ZNF560: variants seen among roughly 807,000 people sequenced by gnomAD.
The protein encoded by ZNF560 is zinc finger protein 560.
In ZNF560, 54 loss-of-function variants were observed where a neutral mutation model predicts 81.8. The observed-to-expected ratio is 0.66, with a 90% CI of 0.53 to 0.83. The LOEUF (loss-of-function observed/expected upper bound fraction) is 0.83, where lower values mean the gene tolerates loss of function less well. ZNF560 is among the 40% of genes least tolerant of loss of function. The probability of loss-of-function intolerance (pLI) is 0.00; values close to 1 mark genes in which losing one functional copy is unlikely to be tolerated. For synonymous variants in ZNF560, 321 were observed against 317.9 expected, an observed-to-expected ratio of 1.01 and a Z score of -0.10; for missense variants, 940 against 932.4, an observed-to-expected ratio of 1.01 and a Z score of -0.11.
chr19:9,465,600 T>C (rs552458666), downstream of ZNF560, among the ~76,000 whole-genome samples: 2 of 152,318 alleles, frequency 1.3e-5, no homozygotes, highest in South Asian at 2.1e-4. Flanking sequence ...AATGAGCACT[T>C]TGACACAGTG....
At chr19:9,501,839 A>G (rs573598638), upstream of ZNF560, among the ~76,000 whole-genome samples, 20 of 152,094 alleles carry the variant, frequency 1.3e-4, no homozygotes, top group African/African-American at 4.6e-4. Context: ...AATGTAATGA[A>G]TGGCCTCATG....
chr19:9,506,411 G>GTTT, the ZNF560 span, among the ~76,000 whole-genome samples: 1 of 90,658 alleles, frequency 1.1e-5, no homozygotes, highest in Non-Finnish European at 2.3e-5. Context: ...GCACGCTTCT[G>GTTT]TTGTTTTTTT....
In ZNF560 at chr19:9,469,146, G is replaced by T; in HGVS notation, c.571C>A (p.Gln191Lys). The T allele has an allele frequency of 6.3e-7, 1 of 1,598,666 alleles. No homozygotes were observed. Among genetic ancestry groups the T allele is most frequent in the African/African-American group, 1.3e-5 (1 of 74,162 alleles). Residue 191 changes from glutamine to lysine, a missense_variant, in exon 9 of 10, where the codon CAA (glutamine) becomes AAA (lysine). Coordinates refer to ENST00000301480, the MANE Select transcript of ZNF560 (RefSeq NM_152476.3). ...AATGTTTTTAAACAAAAATTATCTT[G>T]CCAAAGGGCTGGCCCTTTGGTTTTC... ...CLKTKGPALW[Q>K]DNFCLKTLNG... is the part of the protein sequence containing the mutation.
chr19:9,498,371 C>A (rs1306284153), intron 1 of ZNF560, among the ~76,000 whole-genome samples, 156 bp from the exon 2 acceptor site: 1 of 152,126 alleles, frequency 6.6e-6, no homozygotes, highest in South Asian at 2.1e-4. Flanking sequence ...ACCGAAGGTC[C>A]CAATGGCCTC....
the ZNF560 span, among the ~76,000 whole-genome samples, chr19:9,450,703 T>C: frequency 3.3e-5 from 5 of 152,286 alleles, no homozygotes; most frequent in African/African-American, 1.2e-4. Flanking sequence ...ATAATTTTTA[T>C]ATTTTTAGTA....
At chr19:9,482,373 T>C (rs1305772456) in intron 2 of ZNF560, among the ~76,000 whole-genome samples, 3 of 147,516 alleles carry the variant, frequency 2.0e-5, no homozygotes, top group Non-Finnish European at 4.4e-5. Flanking sequence ...TGTATATATA[T>C]GTAACAAACC....
At chr19:9,450,735 G>T in the ZNF560 span, among the ~76,000 whole-genome samples, 1,869 of 151,996 alleles carry the variant, frequency 0.012, 39 homozygotes, top group African/African-American at 0.043. Flanking sequence ...TCACCATGTT[G>T]CCCAGGCTGG....
chr19:9,484,201 C>G (rs1417140369), intron 2 of ZNF560, among the ~76,000 whole-genome samples: 3 of 151,902 alleles, frequency 2.0e-5, no homozygotes, highest in Admixed American at 2.0e-4. Flanking sequence ...GACCTTTGTT[C>G]ACTTGCTTAT....
the ZNF560 span, among the ~76,000 whole-genome samples, chr19:9,450,512 A>T: frequency 6.6e-6 from 1 of 152,174 alleles, no homozygotes; most frequent in Non-Finnish European, 1.5e-5. Context: ...AACTCAATTC[A>T]GTTCTGGATA....
rs780100492 is a variant in ZNF560, at chr19:9,467,772, A to T, written c.1175T>A (p.Leu392His). Residue 392 changes from leucine to histidine, a missense_variant, in exon 10 of 10, where the codon CTT becomes CAT. Physicochemically the swap from Leu to His is moderately conservative, Grantham distance 99. Coordinates refer to ENST00000301480, the MANE Select transcript of ZNF560 (RefSeq NM_152476.3). ...TCCAGTGTGAGTTCGTACATGTTCA[A>T]GAAAGCCTGACGGCACAGTGAAGGT... ...GKTFTVPSGF[L>H]EHVRTHTGEK... 1.2e-6 allele frequency: 2 copies of T among 1,614,208 alleles called. No homozygotes were observed. The highest frequency in any genetic ancestry group is 1.7e-6 in the Non-Finnish European group (2 of 1,180,038).
At chr19:9,484,028 C>G (rs1424479248) in intron 2 of ZNF560, among the ~76,000 whole-genome samples, 1 of 152,112 alleles carries the variant, frequency 6.6e-6, no homozygotes, top group Non-Finnish European at 1.5e-5. Flanking sequence ...GTGCTGTGTC[C>G]ACTCAGGGTT....
the ZNF560 span, among the ~76,000 whole-genome samples, chr19:9,460,670 C>T: frequency 5.9e-5 from 9 of 152,234 alleles, no homozygotes; most frequent in Admixed American, 1.3e-4. Context: ...AATGCCTGGA[C>T]GTAATCACTC....
downstream of ZNF560, among the ~76,000 whole-genome samples, chr19:9,462,241 C>T (rs1178183761): frequency 6.6e-6 from 1 of 152,202 alleles, no homozygotes; most frequent in Non-Finnish European, 1.5e-5. Flanking sequence ...GTTGCTGGTT[C>T]ACCAGAATGA....
rs572667512 is a variant in ZNF560 at position 9,485,360 on chromosome 19, A to ATGGT, written c.-56-9995_-56-9992dup. On this transcript the variant is annotated intron_variant, in intron 2 of 9. Transcript: ENST00000301480. Reference sequence around the variant, plus strand: ...TAGGATTTATCCCTGGAATGCACGGATGGTTCAACATATGCAAATCAATGT... The same window carrying ATGGT: ...TAGGATTTATCCCTGGAATGCACGGATGGTTGGTTCAACATATGCAAATCAATGT... Among the ~76,000 whole-genome samples the ATGGT allele has an allele frequency of 5.3e-4, 81 of 152,190 alleles. 1 individual carries two copies. Among genetic ancestry groups the ATGGT allele is most frequent in the African/African-American group, 1.8e-3 (74 of 41,530 alleles).
At chr19:9,462,893 T>C (rs531884121), downstream of ZNF560, among the ~76,000 whole-genome samples, 2 of 152,314 alleles carry the variant, frequency 1.3e-5, no homozygotes, top group East Asian at 3.9e-4. Flanking sequence ...GGAAAAGCAT[T>C]CAATAAATTC....
intron 8 of ZNF560, 21 bp downstream of exon 8, chr19:9,469,609 T>C: frequency 6.2e-7 from 1 of 1,610,292 alleles, no homozygotes; most frequent in Middle Eastern, 1.7e-4. Flanking sequence ...TGGACCAGGG[T>C]TGTTCTTCAC....
intron 2 of ZNF560, among the ~76,000 whole-genome samples, chr19:9,495,421 G>A (rs2073542224): frequency 6.6e-6 from 1 of 151,966 alleles, no homozygotes; most frequent in African/African-American, 2.4e-5. Context: ...CTACACTTCT[G>A]GCCAGCCACA....
chr19:9,469,045 T>C, intron 9 of ZNF560, 60 bp downstream of exon 9: 1 of 1,341,666 alleles, frequency 7.5e-7, no homozygotes, highest in Non-Finnish European at 1.0e-6. Flanking sequence ...CTGATTTCTA[T>C]AATGCAATAC....
At chr19:9,469,778 C>CGT in intron 7 of ZNF560, 68 bp from the exon 8 acceptor site, 3 of 1,327,886 alleles carry the variant, frequency 2.3e-6, no homozygotes, top group Non-Finnish European at 3.3e-6. Flanking sequence ...TTCCATGAAA[C>CGT]AGGGACTACG....
Sources: allele counts gnomAD v4.1 joint callset (sites outside exome capture counted in the v4.1 genomes callset), GRCh38; gene constraint gnomAD v4.1.1; transcripts MANE v1.5; gene names NCBI Gene and HGNC (gene_info 2026-07-23, HGNC 2026-07-21).